The following PARD3B variants were observed in gnomAD, a reference collection of about 807,000 sequenced individuals.
PARD3B encodes the protein partitioning defective 3 homolog B.
In PARD3B, 103 loss-of-function variants were observed where a neutral mutation model predicts 130.2. That is an observed-to-expected ratio of 0.79 (90% CI 0.67 to 0.93). The LOEUF (loss-of-function observed/expected upper bound fraction) is 0.93, where lower values mean the gene tolerates loss of function less well. Among genes scored for constraint, PARD3B ranks in the 40% least tolerant of loss-of-function variants. PARD3B has a pLI of 0.00. For missense variants in PARD3B, 1,609 were observed against 1,499.2 expected (o/e 1.07, Z -1.21); for synonymous variants, 583 against 553.2 (o/e 1.05, Z -0.76).
rs996305582 is a variant in PARD3B, at chr2:205,253,097, A to G, written c.2185+7275A>G. On this transcript the variant is annotated intron_variant, in intron 16 of 22. Coordinates refer to ENST00000406610, the MANE Select transcript of PARD3B (RefSeq NM_001302769.2). The surrounding 1 kb of genome is among the most constrained non-coding windows in gnomAD (Gnocchi z 4.4). ...ATAATAAAACCAACAGTAAACATTT[A>G]TTTCTTGATCACATATCTCCAGGTA... Among the ~76,000 whole-genome samples the G allele has an allele frequency of 9.2e-5, 14 of 152,104 alleles. No individual in the cohort carries two copies. Among genetic ancestry groups the G allele is most frequent in the Non-Finnish European group, 1.9e-4 (13 of 67,996 alleles).
chr2:204,830,606 G>T (rs1575088770), intron 2 of PARD3B, among the ~76,000 whole-genome samples: 1 of 152,304 alleles, frequency 6.6e-6, no homozygotes, highest in South Asian at 2.1e-4. Flanking sequence ...GTTACTTAAA[G>T]ATTCAGACTA....
intron 1 of PARD3B, among the ~76,000 whole-genome samples, chr2:204,641,686 A>G (rs1460939584): frequency 1.3e-5 from 2 of 152,196 alleles, no homozygotes; most frequent in African/African-American, 4.8e-5. Flanking sequence ...CAACACTTTC[A>G]TATGTAGTTG....
chr2:204,602,323 C>T (rs998458049), intron 1 of PARD3B, among the ~76,000 whole-genome samples: 1 of 152,030 alleles, frequency 6.6e-6, no homozygotes, highest in African/African-American at 2.4e-5. Flanking sequence ...AAGATGTGCT[C>T]ATTTTATTTG....
rs2052994663 is a variant in PARD3B at position 205,558,473 on chromosome 2, C to G, written c.3260+5070C>G. Among the ~76,000 whole-genome samples, 1 of 152,178 alleles carries G rather than the reference C, an allele frequency of 6.6e-6. No individual in the cohort carries two copies. Among genetic ancestry groups the G allele is most frequent in the South Asian group, 2.1e-4 (1 of 4,830 alleles). The stretch of plus-strand genomic sequence containing the variant: ...GCAGGTCTACCCCATTAAATTGACT[C>G]TTGTATGTCAGAGAAAAACAAAGAC... On this transcript the variant is annotated intron_variant, in intron 22 of 22. Transcript: ENST00000406610. This position sits in a 1 kb window ranked among gnomAD's most constrained non-coding sequence, Gnocchi z 4.8.
intron 4 of PARD3B, among the ~76,000 whole-genome samples, chr2:205,101,328 A>G (rs1360864905): frequency 1.3e-5 from 2 of 152,176 alleles, no homozygotes; most frequent in African/African-American, 2.4e-5. Flanking sequence ...TGGCAAGTCT[A>G]TGGAGATTTT....
At chr2:205,479,056 G>C (rs115747965) in intron 20 of PARD3B, among the ~76,000 whole-genome samples, 569 of 152,294 alleles carry the variant, frequency 3.7e-3, no homozygotes, top group African/African-American at 5.5e-3. Context: ...TTTAAACAAT[G>C]AACTGTCTGT....
intron 2 of PARD3B, among the ~76,000 whole-genome samples, chr2:204,822,054 G>A (rs777364054): frequency 3.3e-5 from 5 of 152,208 alleles, no homozygotes; most frequent in Non-Finnish European, 7.3e-5. Context: ...ACTTGGCAAT[G>A]TAAATTGAAA....
At chr2:204,665,189 T>C (rs2035971444) in intron 1 of PARD3B, among the ~76,000 whole-genome samples, 1 of 152,120 alleles carries the variant, frequency 6.6e-6, no homozygotes, top group Non-Finnish European at 1.5e-5. Flanking sequence ...TTTTAGGGTT[T>C]AGAAAATGAC....
At chr2:205,495,048 G>C (rs2049874661) in intron 20 of PARD3B, among the ~76,000 whole-genome samples, 1 of 152,110 alleles carries the variant, frequency 6.6e-6, no homozygotes, top group Non-Finnish European at 1.5e-5. Context: ...ATTTTAAAAA[G>C]TACTACAGTT....
chr2:205,464,282 A>G (rs138732930), intron 20 of PARD3B, among the ~76,000 whole-genome samples: 1 of 152,334 alleles, frequency 6.6e-6, no homozygotes, highest in East Asian at 1.9e-4. Flanking sequence ...CTGAATAAAT[A>G]TTGGATAAAT....
In PARD3B at chr2:204,998,374, GTA is replaced by G. The variant is rs1244536785; in HGVS notation, c.394+33057_394+33058del. Among the ~76,000 whole-genome samples the G allele has an allele frequency of 9.4e-3, 743 of 78,650 alleles. 50 individuals are homozygous for G. The highest frequency in any genetic ancestry group is 0.031 in the South Asian group (94 of 2,986). 51.6% of individuals were successfully genotyped at this position (78,650 alleles called of 152,430 possible). On this transcript the variant is annotated intron_variant, in intron 3 of 22. Coordinates refer to ENST00000406610, the MANE Select transcript of PARD3B (RefSeq NM_001302769.2). ...TATATATATATGTGTGTGTGTGTGT[GTA>G]TATATGTGTGTGTATATATGTATAT...
chr2:204,762,617 T>C (rs554073024), intron 2 of PARD3B, among the ~76,000 whole-genome samples: 2 of 152,338 alleles, frequency 1.3e-5, no homozygotes, highest in East Asian at 3.9e-4. Flanking sequence ...AATTGGAGTT[T>C]TAATTTGTTT....
At chr2:204,947,474 G>A (rs1044007416) in intron 2 of PARD3B, among the ~76,000 whole-genome samples, 1 of 152,124 alleles carries the variant, frequency 6.6e-6, no homozygotes, top group Non-Finnish European at 1.5e-5. Flanking sequence ...TGTATGCCAA[G>A]CCAGAATAGT....
At chr2:204,649,839 T>C (rs2035416116) in intron 1 of PARD3B, among the ~76,000 whole-genome samples, 2 of 152,180 alleles carry the variant, frequency 1.3e-5, no homozygotes, top group Admixed American at 1.3e-4. Flanking sequence ...AATACTGCTC[T>C]GGACTTAGGA....
chr2:204,730,416 T>C (rs949416787), intron 2 of PARD3B, among the ~76,000 whole-genome samples: 4 of 152,090 alleles, frequency 2.6e-5, no homozygotes, highest in Admixed American at 2.0e-4. Context: ...TGTAAGCAGA[T>C]TTCCTGTGTG....
intron 10 of PARD3B, among the ~76,000 whole-genome samples, chr2:205,127,969 A>G (rs2031625093): frequency 6.6e-6 from 1 of 152,222 alleles, no homozygotes; most frequent in African/African-American, 2.4e-5. Context: ...CAAGGGTCAA[A>G]GTGAAAAGAA....
intron 10 of PARD3B, among the ~76,000 whole-genome samples, chr2:205,132,304 C>G (rs1273375228): frequency 6.6e-6 from 1 of 151,984 alleles, no homozygotes; most frequent in Non-Finnish European, 1.5e-5. Context: ...TTTAATTTGG[C>G]TGTGTTGTGA....
At chr2:205,256,566 TTTATCTGTAGTATTTGAG>T (rs1439076443) in intron 16 of PARD3B, among the ~76,000 whole-genome samples, 25 of 152,206 alleles carry the variant, frequency 1.6e-4, no homozygotes, top group Admixed American at 1.6e-3. Context: ...GACCTTCTGC[TTTATCTGTAGTATTTGAG>T]TTTTACATTC....
At chr2:205,113,389 C>CG in intron 5 of PARD3B, 102 bp from the exon 6 acceptor site, 1 of 563,592 alleles carries the variant, frequency 1.8e-6, no homozygotes, top group Non-Finnish European at 3.1e-6. Flanking sequence ...TAATCCTGAG[C>CG]AGGGGTGTGT....
Sources: gnomAD v4.1 joint callset for allele counts (sites outside exome capture counted in the v4.1 genomes callset) on GRCh38, gnomAD v4.1.1 for gene constraint, Gnocchi (gnomAD v3.1) non-coding constraint, MANE v1.5 for transcripts, NCBI Gene and HGNC (gene_info 2026-07-23, HGNC 2026-07-21) for gene names.